PKN3: variants seen among roughly 807,000 people sequenced by gnomAD.
PKN3 encodes the protein protein kinase N3, also known as serine/threonine-protein kinase N3.
In PKN3, 91 loss-of-function variants were observed where a neutral mutation model predicts 113.1. That is an observed-to-expected ratio of 0.80 (90% confidence interval 0.68 to 0.96). PKN3 has a LOEUF of 0.96. Among genes scored for constraint, PKN3 ranks in the 40% least tolerant of loss-of-function variants. The probability of loss-of-function intolerance (pLI) is 0.00; values close to 1 mark genes in which losing one functional copy is unlikely to be tolerated. For synonymous variants in PKN3, 467 were observed against 499.0 expected (o/e 0.94, Z 0.85); for missense variants, 1,052 against 1,202.2 (o/e 0.88, Z 1.85).
intron 12 of PKN3, 57 bp downstream of exon 12, chr9:128,714,721 C>T (rs1564375681): frequency 4.7e-6 from 7 of 1,476,636 alleles, no homozygotes; most frequent in Non-Finnish European, 6.6e-6. Context: ...GCAGGGCCAC[C>T]CAGCTGTGGG....
In PKN3 at chr9:128,718,314, C is replaced by T. The variant is rs1171158875; in HGVS notation, c.1986-11C>T. On this transcript the variant is annotated splice_polypyrimidine_tract_variant and intron_variant, in intron 16 of 21. Coordinates refer to ENST00000291906, the MANE Select transcript of PKN3 (RefSeq NM_013355.5). ...TCTTGGGCCTGAGTTCTCCCATAAC[C>T]ACCCCTGCAGCTTCTACGTGGCTTG... is the stretch of plus-strand genomic sequence containing the variant. The T allele has an allele frequency of 1.2e-6, 2 of 1,613,318 alleles. No individual in the cohort carries two copies. The highest frequency in any genetic ancestry group is 1.1e-5 in the South Asian group (1 of 91,054).
rs1270363868 is a variant in PKN3, at chr9:128,707,312, C to G, written c.742C>G (p.Pro248Ala). The G allele has an allele frequency of 2.5e-6, 4 of 1,613,994 alleles. No individual in the cohort carries two copies. The highest frequency in any genetic ancestry group is 2.5e-6 in the Non-Finnish European group (3 of 1,179,962). Reference sequence around the variant, plus strand: ...GCTGGAGCAACTGCCTCCTGCCCACCCTTTGCGCAGCAGAGTGACCCGAGA... The same window carrying G: ...GCTGGAGCAACTGCCTCCTGCCCACGCTTTGCGCAGCAGAGTGACCCGAGA... Reference protein sequence around the residue: ...QLLEQLPPAHPLRSRVTRELR... With the variant: ...QLLEQLPPAHALRSRVTRELR... Residue 248 changes from proline to alanine, a missense_variant, in exon 6 of 22, where the codon CCT (proline) becomes GCT (alanine). Coordinates refer to ENST00000291906, the MANE Select transcript of PKN3 (RefSeq NM_013355.5).
chr9:128,720,449 CCCTGTGTGGCCCTGCGGA>C lies in PKN3; in HGVS notation c.2518_2535del (p.Cys840_Leu845del). The C allele has an allele frequency of 6.2e-7, 1 of 1,613,270 alleles. No individual in the cohort carries two copies. The highest frequency in any genetic ancestry group is 8.5e-7 in the Non-Finnish European group (1 of 1,180,002). On this transcript the variant is annotated inframe_deletion, in exon 22 of 22. Coordinates refer to ENST00000291906, the MANE Select transcript of PKN3 (RefSeq NM_013355.5). The surrounding 1 kb of genome is among the most constrained non-coding windows in gnomAD (Gnocchi z 5.5). Reference sequence around the variant, plus strand: ...ACCATCCAGCCCCCCTTCGTGCCTACCCTGTGTGGCCCTGCGGACCTGCGCTACTTTGAGGGCGAGTTC... The same window carrying C: ...ACCATCCAGCCCCCCTTCGTGCCTACCCTGCGCTACTTTGAGGGCGAGTTC...
At chr9:128,709,099 C>T (rs1862104575) in intron 6 of PKN3, among the ~76,000 whole-genome samples, 1 of 151,572 alleles carries the variant, frequency 6.6e-6, no homozygotes, top group South Asian at 2.1e-4. Flanking sequence ...TCCTGGCTAA[C>T]ACGGTGAAAC....
rs146412683 is a variant in PKN3 at position 128,720,603 on chromosome 9, C to G, written c.2667C>G (p.Pro889=). 122 of 1,612,220 alleles carry G rather than the reference C, an allele frequency of 7.6e-5. No individual in the cohort carries two copies. The highest frequency in any genetic ancestry group is 9.6e-5 in the Non-Finnish European group (113 of 1,179,392). ...TTGTGTCAGAGCGATTCCTGGAACC[C>G]TGAGGGCATCTCCTGGCACCTCTGT... ...FDFVSERFLE[P] The change falls in exon 22 of 22, where the codon CCC becomes CCG. Residue 889 remains proline, a synonymous_variant. Transcript: ENST00000291906. The surrounding 1 kb of genome is among the most constrained non-coding windows in gnomAD (Gnocchi z 5.5).
intron 16 of PKN3, among the ~76,000 whole-genome samples, chr9:128,717,861 T>TAAAAAAA (rs67487928): frequency 3.1e-5 from 3 of 97,856 alleles, no homozygotes; most frequent in African/African-American, 4.1e-5. Context: ...CTATAAAAAC[T>TAAAAAAA]AAAAAAAAAA....
In PKN3 at chr9:128,707,311, C is replaced by T; in HGVS notation, c.741C>T (p.His247=). 1 of 1,614,008 alleles carries T rather than the reference C, an allele frequency of 6.2e-7. No individual in the cohort carries two copies. The highest frequency in any genetic ancestry group is 8.5e-7 in the Non-Finnish European group (1 of 1,179,966). Residue 247 remains histidine, a synonymous_variant, in exon 6 of 22, where the codon CAC becomes CAT. Transcript: ENST00000291906. ...TGCTGGAGCAACTGCCTCCTGCCCA[C>T]CCTTTGCGCAGCAGAGTGACCCGAG... ...EQLLEQLPPA[H]PLRSRVTREL... is the part of the protein sequence containing the mutation.
intron 6 of PKN3, among the ~76,000 whole-genome samples, chr9:128,710,205 G>A (rs1862137225): frequency 6.6e-6 from 1 of 151,688 alleles, no homozygotes; most frequent in South Asian, 2.1e-4. Flanking sequence ...TGCTGGGACA[G>A]GTGTGAGCCA....
At chr9:128,708,674 A>G (rs1020057626) in intron 6 of PKN3, among the ~76,000 whole-genome samples, 3 of 151,674 alleles carry the variant, frequency 2.0e-5, no homozygotes, top group African/African-American at 7.3e-5. Context: ...GTGAAACCTC[A>G]TCTTTAGAAA....
At position 128,715,163 on chromosome 9, in the gene PKN3, C is replaced by A. The variant is rs200876944; in HGVS notation, c.1653-9C>A. ...TAGGGGACTTCATATACCCTCTCTT[C>A]CTTTGCAGGAAACCCCCTCGGCTTC... On this transcript the variant is annotated splice_polypyrimidine_tract_variant and intron_variant, in intron 13 of 21. Coordinates refer to ENST00000291906, the MANE Select transcript of PKN3 (RefSeq NM_013355.5). This position sits in a 1 kb window ranked among gnomAD's most constrained non-coding sequence, Gnocchi z 4.1. 6.2e-7 allele frequency: 1 copy of A among 1,613,822 alleles called. No individual in the cohort carries two copies. Among genetic ancestry groups the A allele is most frequent in the African/African-American group, 1.3e-5 (1 of 74,996 alleles).
In PKN3 at chr9:128,720,211, G is replaced by A; in HGVS notation, c.2385G>A (p.Gln795=). The change falls in exon 21 of 22, where the codon CAG becomes CAA. Residue 795 remains glutamine, a synonymous_variant. Coordinates refer to ENST00000291906, the MANE Select transcript of PKN3 (RefSeq NM_013355.5). This position sits in a 1 kb window ranked among gnomAD's most constrained non-coding sequence, Gnocchi z 5.5. ...CCTGTCCTATTGCCCAGCTCCTCCA[G>A]AAGTGCCCGGAGAAGCGCCTCGGGG... ...QGLEFIQKLL[Q]KCPEKRLGAG... 1.2e-6 allele frequency: 2 copies of A among 1,613,698 alleles called. No individual in the cohort carries two copies. The highest frequency in any genetic ancestry group is 1.7e-6 in the Non-Finnish European group (2 of 1,179,946).
intron 9 of PKN3, 86 bp downstream of exon 9, chr9:128,713,728 G>T: frequency 7.4e-7 from 1 of 1,360,256 alleles, no homozygotes. Context: ...ACTGCGTGTA[G>T]GTGCAGAGAC....
Position 128,720,032 on chromosome 9 carries a change from G to C in PKN3, c.2376+15G>C. Reference sequence around the variant, plus strand: ...TCATTCAGAAGGTAAGCACTGCGGGGTCTGGGGCTGGGCTGGATGGCCGCT... The same window carrying C: ...TCATTCAGAAGGTAAGCACTGCGGGCTCTGGGGCTGGGCTGGATGGCCGCT... On this transcript the variant is annotated intron_variant, in intron 20 of 21. Coordinates refer to ENST00000291906, the MANE Select transcript of PKN3 (RefSeq NM_013355.5). The surrounding 1 kb of genome is among the most constrained non-coding windows in gnomAD (Gnocchi z 5.5). 6.2e-7 allele frequency: 1 copy of C among 1,606,698 alleles called. No individual in the cohort carries two copies. The highest frequency in any genetic ancestry group is 8.5e-7 in the Non-Finnish European group (1 of 1,173,416).
chr9:128,718,942 A>G (rs1862432905), intron 18 of PKN3, among the ~76,000 whole-genome samples: 1 of 132,186 alleles, frequency 7.6e-6, no homozygotes, highest in South Asian at 2.4e-4. Context: ...GCCGCCCAGG[A>G]TGCAATGCAG....
At chr9:128,718,211 C>G in intron 16 of PKN3, 114 bp from the exon 17 acceptor site, 1 of 803,302 alleles carries the variant, frequency 1.2e-6, no homozygotes, top group Non-Finnish European at 2.2e-6. Context: ...TCACTCATCT[C>G]TGACTCTGGC....
At chr9:128,707,996 C>T (rs1253405911) in intron 6 of PKN3, among the ~76,000 whole-genome samples, 14 of 149,584 alleles carry the variant, frequency 9.4e-5, no homozygotes. Flanking sequence ...GATTGAACCC[C>T]GGAGGCGGAG....
chr9:128,714,724 G>A, intron 12 of PKN3, 60 bp downstream of exon 12: 2 of 1,458,720 alleles, frequency 1.4e-6, no homozygotes, highest in South Asian at 1.1e-5. Context: ...GGGCCACCCA[G>A]CTGTGGGGTG....
Position 128,714,255 on chromosome 9 carries a change from C to T in PKN3, c.1371C>T (p.Leu457=), listed in dbSNP as rs762500187. The T allele has an allele frequency of 2.7e-4, 436 of 1,613,726 alleles. No individual in the cohort carries two copies. Among genetic ancestry groups the T allele is most frequent in the Non-Finnish European group, 3.4e-4 (403 of 1,179,894 alleles). Residue 457 remains leucine, a synonymous_variant, in exon 11 of 22, where the codon CTC becomes CTT. Transcript: ENST00000291906. ...TCGGCATGGCGGCCTGGGGGCGCCT[C>T]GTCATGAACCTGCTGCCCCCCTGCA... The part of the protein sequence containing the change: ...MNLGMAAWGR[L]VMNLLPPCSS...
rs1362811690 is a variant in PKN3, at chr9:128,714,298, A to G, written c.1414A>G (p.Ser472Gly). The G allele has an allele frequency of 6.2e-7, 1 of 1,613,370 alleles. No individual in the cohort carries two copies. The change falls in exon 11 of 22, where the codon AGC (serine) becomes GGC (glycine). Residue 472 changes from serine (S) to glycine (G), a missense_variant. Ser to Gly is a moderately conservative substitution (Grantham distance 56, BLOSUM62 0). Transcript: ENST00000291906. ...LPPCSSPSTI[S>G]PPKGCPRTPT... ...CCCCTGCAGCTCCCCGAGCACAATCAGCCCCCCTAAAGGATGCCCTCGGAC... is the reference window on the plus strand; with the variant it reads ...CCCCTGCAGCTCCCCGAGCACAATCGGCCCCCCTAAAGGATGCCCTCGGAC...
Sources: gnomAD v4.1 joint callset for allele counts (sites outside exome capture counted in the v4.1 genomes callset) on GRCh38, gnomAD v4.1.1 for gene constraint, Gnocchi (gnomAD v3.1) non-coding constraint, MANE v1.5 for transcripts, NCBI Gene and HGNC (gene_info 2026-07-23, HGNC 2026-07-21) for gene names.